The following ERCC2 variants were observed in gnomAD, a reference collection of about 807,000 sequenced individuals.
ERCC2 encodes the protein ERCC excision repair 2, TFIIH core complex helicase subunit.
In ERCC2, 90 loss-of-function variants were observed where a neutral mutation model predicts 99.4. That is an observed-to-expected ratio of 0.91 (90% confidence interval 0.76 to 1.08). The LOEUF (loss-of-function observed/expected upper bound fraction) is 1.08, where lower values mean the gene tolerates loss of function less well. Ranked by LOEUF, ERCC2 falls within the 50% of genes least tolerant of loss-of-function variation. The pLI, the probability that ERCC2 is intolerant of heterozygous loss-of-function variation, is 0.00. For missense variants in ERCC2, 993 were observed against 1,038.1 expected, an observed-to-expected ratio of 0.96 and a Z score of 0.60; for synonymous variants, 497 against 432.4, an observed-to-expected ratio of 1.15 and a Z score of -1.85.
chr19:45,356,302 A>G (rs890227637), intron 15 of ERCC2, among the ~76,000 whole-genome samples: 1 of 152,096 alleles, frequency 6.6e-6, no homozygotes, highest in African/African-American at 2.4e-5. Flanking sequence ...CTCTGAACAC[A>G]TTTCTTTTTC....
In ERCC2 at chr19:45,364,967, T is replaced by C; in HGVS notation, c.478-13A>G. The C allele has an allele frequency of 6.2e-7, 1 of 1,612,654 alleles. No individual in the cohort carries two copies. The highest frequency in any genetic ancestry group is 1.1e-5 in the South Asian group (1 of 91,034). On this transcript the variant is annotated splice_polypyrimidine_tract_variant and intron_variant, in intron 6 of 22. Coordinates refer to ENST00000391945, the MANE Select transcript of ERCC2 (RefSeq NM_000400.4). ...GGGCATCAAATTCCTGGGACAAGAG[T>C]GCCAGGGGTCAGGGAGGCTGCCTGC...
At chr19:45,352,065 G>T in intron 22 of ERCC2, 144 bp downstream of exon 22, 1 of 992,450 alleles carries the variant, frequency 1.0e-6, no homozygotes, top group African/African-American at 1.6e-5. Flanking sequence ...CCCAGAGCCT[G>T]GCACGTAGAT....
At position 45,357,359 on chromosome 19, in the gene ERCC2, G is replaced by A; in HGVS notation, c.1390C>T (p.Leu464=). ...VIITSGTLSP[L]DIYPKILDFH... ...TCCAGGATCTTGGGGTAGATGTCCA[G>A]CGGGGACAGTGTCTGTGGCGGGACA... The change falls in exon 15 of 23, where the codon CTG becomes TTG. Residue 464 remains leucine (L), a synonymous_variant. Transcript: ENST00000391945. The A allele has an allele frequency of 6.2e-7, 1 of 1,614,022 alleles. No homozygotes were observed. Among genetic ancestry groups the A allele is most frequent in the Non-Finnish European group, 8.5e-7 (1 of 1,179,880 alleles).
intron 19 of ERCC2, 67 bp from the exon 20 acceptor site, chr19:45,352,883 C>A (rs1253098883): frequency 6.7e-7 from 1 of 1,493,488 alleles, no homozygotes; most frequent in Non-Finnish European, 9.3e-7. Flanking sequence ...GACAGCCTCA[C>A]GCGACCCAGG....
intron 2 of ERCC2, among the ~76,000 whole-genome samples, chr19:45,369,739 A>C (rs1037001099): frequency 6.6e-6 from 1 of 152,102 alleles, no homozygotes; most frequent in African/African-American, 2.4e-5. Context: ...GCAGTGGCAC[A>C]ATCATGGCTC....
chr19:45,350,867 C>T lies in ERCC2; in HGVS notation c.*762G>A. The T allele has an allele frequency of 6.7e-7, 1 of 1,483,556 alleles. No homozygotes were observed. Among genetic ancestry groups the T allele is most frequent in the Non-Finnish European group, 9.3e-7 (1 of 1,070,778 alleles). 91.9% of individuals were successfully genotyped at this position (1,483,556 alleles called of 1,614,324 possible). A position where few individuals can be genotyped will look rare whatever the true frequency, so the allele number is the denominator to read the frequency against. ...GCTCCCATCTCCCCTGTGATACACA[C>T]AGATCAAACCCTGTGCTGGAAAGGT... On this transcript the variant is annotated 3_prime_UTR_variant, in exon 23 of 23. Transcript: ENST00000391945.
rs368890796 is a variant in ERCC2, at chr19:45,350,657, G to A, written c.*972C>T. On this transcript the variant is annotated 3_prime_UTR_variant, in exon 23 of 23. Transcript: ENST00000391945. ...CCTCCCCAGGCCCTTCGCCGCAGCA[G>A]CTCACTCTCCAAGATCCGTGAGTCT... is the stretch of plus-strand genomic sequence containing the variant. 1 of 1,613,628 alleles carries A rather than the reference G, an allele frequency of 6.2e-7. No homozygotes were observed. Among genetic ancestry groups the A allele is most frequent in the East Asian group, 2.2e-5 (1 of 44,762 alleles).
At chr19:45,351,827 G>T in intron 22 of ERCC2, 106 bp from the exon 23 acceptor site, 1 of 986,576 alleles carries the variant, frequency 1.0e-6, no homozygotes, top group Non-Finnish European at 1.6e-6. Context: ...GGGACAGGAT[G>T]TTTGAATGAA....
chr19:45,358,854 G>A (rs41275762), intron 12 of ERCC2: 2 of 780,342 alleles, frequency 2.6e-6, no homozygotes, highest in African/African-American at 3.4e-5. Flanking sequence ...TATAAGTTCT[G>A]GGGGGTTAGG....
At position 45,363,023 on chromosome 19, in the gene ERCC2, G is replaced by A. The variant is rs550090813; in HGVS notation, c.1118+720C>T. On this transcript the variant is annotated intron_variant, in intron 11 of 22. Coordinates refer to ENST00000391945, the MANE Select transcript of ERCC2 (RefSeq NM_000400.4). Reference sequence around the variant, plus strand: ...CAGGGCAGGGTAGGTGATTGGCTTCGCTGCTCTCTCATTAACCCACCAAAG... The same window carrying A: ...CAGGGCAGGGTAGGTGATTGGCTTCACTGCTCTCTCATTAACCCACCAAAG... 4.6e-5 allele frequency among the ~76,000 whole-genome samples: 7 copies of A among 152,268 alleles called. No individual in the cohort carries two copies. The South Asian group carries it at 1.2e-3, about 27-fold the overall frequency.
intron 11 of ERCC2, chr19:45,361,946 TTC>T (rs1230629806): frequency 1.8e-5 from 7 of 378,608 alleles, no homozygotes; most frequent in Non-Finnish European, 1.0e-5. Context: ...TTTCTTTTTT[TTC>T]TTTGTTCAGA....
At position 45,364,883 on chromosome 19, in the gene ERCC2, C is replaced by T; in HGVS notation, c.549G>A (p.Leu183=). The change falls in exon 7 of 23, where the codon CTG becomes CTA. Residue 183 remains leucine (L), a synonymous_variant. Coordinates refer to ENST00000391945, the MANE Select transcript of ERCC2 (RefSeq NM_000400.4). ...GIYNLDDLKA[L]GRRQGWCPYF... ...ATGGGCACCAGCCCTGGCGCCGCCCCAGGGCCTTCAGGTCATCCAGGTTGT... is the reference window on the plus strand; with the variant it reads ...ATGGGCACCAGCCCTGGCGCCGCCCTAGGGCCTTCAGGTCATCCAGGTTGT... 6.2e-7 allele frequency: 1 copy of T among 1,614,160 alleles called. No individual in the cohort carries two copies. The highest frequency in any genetic ancestry group is 8.5e-7 in the Non-Finnish European group (1 of 1,180,030).
chr19:45,350,936 C>T lies in ERCC2; in HGVS notation c.*693G>A, dbSNP rs763805970. The T allele has an allele frequency of 3.7e-6, 6 of 1,613,458 alleles. No individual in the cohort carries two copies. The highest frequency in any genetic ancestry group is 1.7e-6 in the Non-Finnish European group (2 of 1,179,420). On this transcript the variant is annotated 3_prime_UTR_variant, in exon 23 of 23. Transcript: ENST00000391945. Reference sequence around the variant, plus strand: ...ACTCCTGGATTCACTCATTTCCTCCCTGCTGCCCTCTTTGCAGAATGAAGA... The same window carrying T: ...ACTCCTGGATTCACTCATTTCCTCCTTGCTGCCCTCTTTGCAGAATGAAGA...
At position 45,364,459 on chromosome 19, in the gene ERCC2, T is replaced by G. The variant is rs767554263; in HGVS notation, c.683A>C (p.Lys228Thr). 6.2e-7 allele frequency: 1 copy of G among 1,613,988 alleles called. No individual in the cohort carries two copies. Among genetic ancestry groups the G allele is most frequent in the South Asian group, 1.1e-5 (1 of 91,086 alleles). Residue 228 changes from lysine (K) to threonine (T), a missense_variant, in exon 8 of 23, where the codon AAG (lysine) becomes ACG (threonine). By Grantham distance (78) the Lys-to-Thr change is moderately conservative. Transcript: ENST00000391945. ...ADLVSKELAR[K>T]AVVVFDEAHN... Reference sequence around the variant, plus strand: ...GGCCTCGTCGAAGACCACGACGGCCTTGCGGGCCAGTTCCTTGGACACCAG... The same window carrying G: ...GGCCTCGTCGAAGACCACGACGGCCGTGCGGGCCAGTTCCTTGGACACCAG...
intron 12 of ERCC2, among the ~76,000 whole-genome samples, chr19:45,360,528 C>A (rs1267247588): frequency 6.6e-6 from 1 of 151,994 alleles, no homozygotes; most frequent in African/African-American, 2.4e-5. Flanking sequence ...CAGGAGCCCA[C>A]CATCACACCT....
intron 11 of ERCC2, among the ~76,000 whole-genome samples, chr19:45,362,458 A>C (rs1490056168): frequency 6.6e-6 from 1 of 152,158 alleles, no homozygotes; most frequent in Non-Finnish European, 1.5e-5. Flanking sequence ...ACACTCACGC[A>C]TGTGCAGGGC....
intron 5 of ERCC2, among the ~76,000 whole-genome samples, chr19:45,365,947 C>T (rs1368745369): frequency 2.6e-5 from 4 of 152,108 alleles, no homozygotes; most frequent in Non-Finnish European, 5.9e-5. Context: ...TGATCCTTCC[C>T]CCACTCAGCC....
In ERCC2 at chr19:45,357,492, A is replaced by G; in HGVS notation, c.1359T>C (p.Ser453=). 1 of 1,614,146 alleles carries G rather than the reference A, an allele frequency of 6.2e-7. No homozygotes were observed. The highest frequency in any genetic ancestry group is 8.5e-7 in the Non-Finnish European group (1 of 1,179,986). ...TCCTTACCCCAGATGTGATGATGACAGACTGGAAACGCTCAAATACGGGTT... is the reference window on the plus strand; with the variant it reads ...TCCTTACCCCAGATGTGATGATGACGGACTGGAAACGCTCAAATACGGGTT... ...AIKPVFERFQ[S]VIITSGTLSP... is the part of the protein sequence containing the mutation. The change falls in exon 14 of 23, where the codon TCT becomes TCC. Residue 453 remains serine (S), a synonymous_variant. Coordinates refer to ENST00000391945, the MANE Select transcript of ERCC2 (RefSeq NM_000400.4).
chr19:45,350,800 C>T lies in ERCC2; in HGVS notation c.*829G>A. 1 of 1,339,866 alleles carries T rather than the reference C, an allele frequency of 7.5e-7. No individual in the cohort carries two copies. The highest frequency in any genetic ancestry group is 1.0e-6 in the Non-Finnish European group (1 of 956,702). The allele number at this position is 1,339,866 out of a possible 1,614,324, so 83.0% of individuals were successfully genotyped here. ...CCCTGACATCAGCAGAATCCACAGC[C>T]CACCCCACCCCCACCCCCATCTTGC... On this transcript the variant is annotated 3_prime_UTR_variant, in exon 23 of 23. Transcript: ENST00000391945.
Sources: gnomAD v4.1 joint callset for allele counts (sites outside exome capture counted in the v4.1 genomes callset) on GRCh38, gnomAD v4.1.1 for gene constraint, MANE v1.5 for transcripts, NCBI Gene and HGNC (gene_info 2026-07-23, HGNC 2026-07-21) for gene names.